The following TRERF1 variants were observed in gnomAD, a reference collection of about 807,000 sequenced individuals.
TRERF1 encodes transcriptional-regulating factor 1.
Under a neutral mutation model 122.9 loss-of-function variants are expected in TRERF1, and 27 were observed. The ratio of observed to expected loss-of-function variants is 0.22; its 90% CI spans 0.16 to 0.30. The LOEUF is 0.30. Ranked by LOEUF, TRERF1 falls within the 10% of genes least tolerant of loss-of-function variation. The pLI is 1.00. For synonymous variants in TRERF1, 636 were observed against 641.7 expected, an observed-to-expected ratio of 0.99 and a Z score of 0.13; for missense variants, 1,248 against 1,560.3, an observed-to-expected ratio of 0.80 and a Z score of 3.37.
rs35007450 is a variant in TRERF1, at chr6:42,301,027, A to T, written c.-370-278T>A. Among the ~76,000 whole-genome samples, 11,648 of 152,242 alleles carry T rather than the reference A, an allele frequency of 0.077. 489 individuals are homozygous for T. The highest frequency in any genetic ancestry group is 0.11 in the African/African-American group (4,561 of 41,530). The stretch of plus-strand genomic sequence containing the variant: ...GAGAGAGAGAGAGAGACAGACAGAC[A>T]GACAGACAGACACAGAGAGATATAG... On this transcript the variant is annotated intron_variant, in intron 3 of 17. Coordinates refer to ENST00000372922, the Ensembl canonical transcript of TRERF1.
At chr6:42,353,577 A>G (rs1340268270) in intron 3 of TRERF1, among the ~76,000 whole-genome samples, 1 of 152,152 alleles carries the variant, frequency 6.6e-6, no homozygotes, top group African/African-American at 2.4e-5. Flanking sequence ...AACAAGTGTG[A>G]AACTCCACCT....
At chr6:42,331,285 A>G (rs1460525594) in intron 3 of TRERF1, among the ~76,000 whole-genome samples, 1 of 152,216 alleles carries the variant, frequency 6.6e-6, no homozygotes, top group Non-Finnish European at 1.5e-5. Context: ...AAGGATGTGC[A>G]TAAGAAGAAT....
chr6:42,380,090 G>A (rs1479118577), intron 2 of TRERF1, among the ~76,000 whole-genome samples: 1 of 152,152 alleles, frequency 6.6e-6, no homozygotes, highest in Admixed American at 6.5e-5. Flanking sequence ...AGTCAGCCAT[G>A]CAGATACCTG....
intron 4 of TRERF1, among the ~76,000 whole-genome samples, chr6:42,298,159 G>A (rs957406217): frequency 2.0e-5 from 3 of 151,298 alleles, no homozygotes; most frequent in African/African-American, 7.3e-5. Context: ...TTTTGTTTTT[G>A]TTTTTGTTTT....
At chr6:42,303,514 G>C (rs891560363) in intron 3 of TRERF1, among the ~76,000 whole-genome samples, 3 of 152,200 alleles carry the variant, frequency 2.0e-5, no homozygotes, top group Non-Finnish European at 2.9e-5. Flanking sequence ...ACAGGATGGA[G>C]CATGGCATAC....
At chr6:42,238,865 AC>A (rs1561800628) in intron 15 of TRERF1, among the ~76,000 whole-genome samples, 249 of 150,542 alleles carry the variant, frequency 1.7e-3, no homozygotes, top group Middle Eastern at 0.01. Context: ...ACACACACAC[AC>A]ACACAATTTC....
chr6:42,270,323 T>C (rs1212854955), intron 4 of TRERF1, among the ~76,000 whole-genome samples: 1 of 152,248 alleles, frequency 6.6e-6, no homozygotes, highest in Non-Finnish European at 1.5e-5. Flanking sequence ...TCTCTTACTT[T>C]CAAGCCATTG....
chr6:42,445,826 C>T (rs148358082), intron 2 of TRERF1, among the ~76,000 whole-genome samples: 1,660 of 152,312 alleles, frequency 0.011, 15 homozygotes, highest in Middle Eastern at 0.014. Context: ...CTCTGCCTTT[C>T]TCTGCTCTCT....
intron 3 of TRERF1, among the ~76,000 whole-genome samples, chr6:42,338,204 C>T (rs951706673): frequency 6.6e-6 from 1 of 152,184 alleles, no homozygotes; most frequent in Non-Finnish European, 1.5e-5. Context: ...AGCCACGTGT[C>T]AGAGCTGGCC....
chr6:42,264,969 A>G, intron 6 of TRERF1, 115 bp from the exon 7 acceptor site: 2 of 1,168,004 alleles, frequency 1.7e-6, no homozygotes, highest in East Asian at 2.4e-5. Flanking sequence ...CAATGATCCC[A>G]TTGTCCATGG....
chr6:42,376,885 G>A (rs1467881619), intron 2 of TRERF1, among the ~76,000 whole-genome samples: 1 of 147,344 alleles, frequency 6.8e-6, no homozygotes, highest in Non-Finnish European at 1.5e-5. Context: ...TTTTTTTTGA[G>A]ACAGAGTTTT....
At chr6:42,289,480 A>C (rs933219225) in intron 4 of TRERF1, among the ~76,000 whole-genome samples, 2 of 152,146 alleles carry the variant, frequency 1.3e-5, no homozygotes, top group Admixed American at 6.5e-5. Context: ...TGCTGCCAAG[A>C]GGCAAATACA....
chr6:42,327,584 C>A (rs1338387617), intron 3 of TRERF1, among the ~76,000 whole-genome samples: 1 of 152,218 alleles, frequency 6.6e-6, no homozygotes, highest in Non-Finnish European at 1.5e-5. Context: ...GACTTGGTTT[C>A]TTTGTCTGCA....
chr6:42,248,990 G>A (rs114806132), intron 13 of TRERF1, among the ~76,000 whole-genome samples: 4,344 of 152,234 alleles, frequency 0.029, 184 homozygotes, highest in African/African-American at 0.097. Context: ...CCAAACAACC[G>A]TCATGGTTCC....
intron 12 of TRERF1, 88 bp downstream of exon 12, chr6:42,256,640 A>T (rs1162780353): frequency 8.6e-7 from 1 of 1,166,990 alleles, no homozygotes; most frequent in South Asian, 1.3e-5. Context: ...GGTCATTACA[A>T]ATTGGTTGTA....
chr6:42,353,848 A>G (rs1392111036), intron 3 of TRERF1, among the ~76,000 whole-genome samples: 1 of 152,262 alleles, frequency 6.6e-6, no homozygotes, highest in African/African-American at 2.4e-5. Flanking sequence ...ACATATAAAC[A>G]TAGTTATAAA....
intron 2 of TRERF1, among the ~76,000 whole-genome samples, chr6:42,449,801 G>A (rs1788147095): frequency 1.3e-5 from 2 of 152,094 alleles, no homozygotes; most frequent in African/African-American, 4.8e-5. Flanking sequence ...GAAATCTGAC[G>A]ACAGTTAGGA....
At chr6:42,262,281 TC>T in intron 8 of TRERF1, among the ~76,000 whole-genome samples, 1 of 152,040 alleles carries the variant, frequency 6.6e-6, no homozygotes, top group African/African-American at 2.4e-5. Context: ...TTCATTATCT[TC>T]TCTCCCTCTA....
intron 3 of TRERF1, among the ~76,000 whole-genome samples, chr6:42,343,325 G>A (rs16895613): frequency 6.6e-4 from 100 of 152,260 alleles, no homozygotes; most frequent in African/African-American, 2.1e-3. Context: ...TTTAAAATGA[G>A]GGTTAGACTC....
Sources: allele counts gnomAD v4.1 joint callset (sites outside exome capture counted in the v4.1 genomes callset), GRCh38; gene constraint gnomAD v4.1.1; transcripts MANE v1.5; gene names NCBI Gene and HGNC (gene_info 2026-07-23, HGNC 2026-07-21).